METAP1: variants seen among roughly 807,000 people sequenced by gnomAD.
The protein encoded by METAP1 is methionine aminopeptidase 1.
METAP1 carries 28 observed loss-of-function variants against 53.8 expected under a neutral mutation model. The observed-to-expected ratio is 0.52, with a 90% confidence interval of 0.39 to 0.71. The LOEUF is 0.71. METAP1 is among the 30% of genes least tolerant of loss of function. The pLI is 0.00. For synonymous variants in METAP1, 181 were observed against 165.7 expected (o/e 1.09, Z -0.71); for missense variants, 389 against 479.8 (o/e 0.81, Z 1.77).
chr4:99,014,539 A>T (rs1723644929), intron 1 of METAP1, among the ~76,000 whole-genome samples: 2 of 152,158 alleles, frequency 1.3e-5, no homozygotes, highest in South Asian at 4.1e-4. Flanking sequence ...CGTTGACTCG[A>T]GTCTAGCAGC....
chr4:99,009,071 C>T (rs1723337278), intron 1 of METAP1, among the ~76,000 whole-genome samples: 1 of 152,130 alleles, frequency 6.6e-6, no homozygotes, highest in Non-Finnish European at 1.5e-5. Context: ...AACTACTATT[C>T]TACTTTCTGT....
At chr4:99,041,455 C>T (rs1289789570) in intron 6 of METAP1, among the ~76,000 whole-genome samples, 1 of 151,758 alleles carries the variant, frequency 6.6e-6, no homozygotes. Flanking sequence ...ATCAAATATT[C>T]TGAAATAAAA....
chr4:99,041,972 A>G (rs563556371), intron 6 of METAP1, among the ~76,000 whole-genome samples: 2 of 152,062 alleles, frequency 1.3e-5, no homozygotes, highest in East Asian at 3.9e-4. Context: ...CATTTTGAGT[A>G]TGCTCTGTGG....
At position 99,046,851 on chromosome 4, in the gene METAP1, G is replaced by A. The variant is rs961567148; in HGVS notation, c.787+1541G>A. ...TAATTTGTCATTTGTGAAAGCTTAAGTTTGAAATAATTTTTAGAGTTTCTG... is the reference window on the plus strand; with the variant it reads ...TAATTTGTCATTTGTGAAAGCTTAAATTTGAAATAATTTTTAGAGTTTCTG... On this transcript the variant is annotated intron_variant, in intron 8 of 10. Coordinates refer to ENST00000296411, the MANE Select transcript of METAP1 (RefSeq NM_015143.3). 4.4e-5 allele frequency among the ~76,000 whole-genome samples: 6 copies of A among 137,440 alleles called. No homozygotes were observed. In the South Asian group the frequency reaches 1.2e-3, roughly 28 times the overall value. 90.2% of individuals were successfully genotyped at this position (137,440 alleles called of 152,430 possible). A position where few individuals can be genotyped will look rare whatever the true frequency, so the allele number is the denominator to read the frequency against.
At chr4:99,057,219 A>G (rs1223532683) in intron 9 of METAP1, among the ~76,000 whole-genome samples, 4 of 152,216 alleles carry the variant, frequency 2.6e-5, no homozygotes, top group Non-Finnish European at 4.4e-5. Context: ...TTCTTTGAAG[A>G]TGAGAAAAAC....
chr4:99,052,162 C>T (rs1327516019), intron 9 of METAP1, among the ~76,000 whole-genome samples: 1 of 152,104 alleles, frequency 6.6e-6, no homozygotes. Context: ...AATGCACAAC[C>T]CTTGATTTAA....
chr4:99,050,822 C>T (rs1450014744), intron 9 of METAP1, among the ~76,000 whole-genome samples: 1 of 152,090 alleles, frequency 6.6e-6, no homozygotes, highest in Non-Finnish European at 1.5e-5. Flanking sequence ...AGGCTTGTAC[C>T]CTCAAAATCC....
At chr4:99,037,939 A>G (rs1298427039) in intron 4 of METAP1, 1 of 151,958 alleles carries the variant, frequency 6.6e-6, no homozygotes, top group Non-Finnish European at 1.5e-5. Flanking sequence ...GTCCAGGAAC[A>G]GGGTATGTTT....
intron 4 of METAP1, among the ~76,000 whole-genome samples, chr4:99,036,542 G>A (rs1301324225): frequency 6.6e-6 from 1 of 152,006 alleles, no homozygotes; most frequent in Non-Finnish European, 1.5e-5. Flanking sequence ...TTCTATATAT[G>A]TAAACACATT....
In METAP1 at chr4:99,034,343, G is replaced by A. The variant is rs1193832987; in HGVS notation, c.279+1G>A. 3 of 1,465,388 alleles carry A rather than the reference G, an allele frequency of 2.0e-6. No homozygotes were observed. The highest frequency in any genetic ancestry group is 2.8e-6 in the Non-Finnish European group (3 of 1,069,722). The allele number at this position is 1,465,388 out of a possible 1,614,324, so 90.8% of individuals were successfully genotyped here. A position where few individuals can be genotyped will look rare whatever the true frequency, so the allele number is the denominator to read the frequency against. On this transcript the variant is annotated splice_donor_variant, in intron 3 of 10. Transcript: ENST00000296411. LOFTEE classifies it high-confidence loss of function. ...TAAACTCAGACCACATTATCCACTG[G>A]TGAGTAAATAAGGTAATAAAAACAA...
chr4:99,012,268 A>AT, intron 1 of METAP1, among the ~76,000 whole-genome samples: 1 of 85,864 alleles, frequency 1.2e-5, no homozygotes, highest in South Asian at 4.5e-4. Flanking sequence ...TGTTAATGTG[A>AT]GTTTTTTTTT....
At chr4:99,045,384 C>G (rs1183803619) in intron 8 of METAP1, 74 bp downstream of exon 8, 1 of 1,541,434 alleles carries the variant, frequency 6.5e-7, no homozygotes, top group South Asian at 1.2e-5. Context: ...CGCTGCAGTT[C>G]TGTGCATTCC....
chr4:99,009,840 T>G (rs1011849417), intron 1 of METAP1, among the ~76,000 whole-genome samples: 1 of 152,234 alleles, frequency 6.6e-6, no homozygotes. Context: ...CTCTGTTGAT[T>G]GTGTCCTTTG....
chr4:99,030,217 G>T (rs956875676), intron 2 of METAP1, among the ~76,000 whole-genome samples: 2 of 152,028 alleles, frequency 1.3e-5, no homozygotes, highest in African/African-American at 4.8e-5. Flanking sequence ...GCTTAAAATC[G>T]GCCTCTCCCT....
chr4:98,999,508 ATTTTTT>A (rs58336779), intron 1 of METAP1, among the ~76,000 whole-genome samples: 1 of 113,052 alleles, frequency 8.8e-6, no homozygotes, highest in African/African-American at 3.9e-5. Context: ...AGGATGCTTA[ATTTTTT>A]TTTTTTTTTT....
At chr4:99,007,798 C>T (rs1245011673) in intron 1 of METAP1, among the ~76,000 whole-genome samples, 1 of 152,184 alleles carries the variant, frequency 6.6e-6, no homozygotes, top group Non-Finnish European at 1.5e-5. Flanking sequence ...TTTGAGTCTC[C>T]TCCATTACTC....
At chr4:99,022,722 A>G in intron 1 of METAP1, 1 of 1,543,302 alleles carries the variant, frequency 6.5e-7, no homozygotes, top group East Asian at 2.3e-5. Context: ...TCATAATGGG[A>G]GGGGCTGCAC....
At chr4:99,035,266 T>A (rs1016304353) in intron 3 of METAP1, 134 bp from the exon 4 acceptor site, 2 of 647,530 alleles carry the variant, frequency 3.1e-6, no homozygotes, top group Non-Finnish European at 5.3e-6. Context: ...AAGCATAATC[T>A]TAATGAAATA....
At chr4:99,053,887 C>G (rs1272359855) in intron 9 of METAP1, among the ~76,000 whole-genome samples, 1 of 150,010 alleles carries the variant, frequency 6.7e-6, no homozygotes, top group Non-Finnish European at 1.5e-5. Flanking sequence ...ATTATATTAA[C>G]TATATTATAT....
Sources: allele counts gnomAD v4.1 joint callset (sites outside exome capture counted in the v4.1 genomes callset), GRCh38; gene constraint gnomAD v4.1.1; transcripts MANE v1.5; gene names NCBI Gene and HGNC (gene_info 2026-07-23, HGNC 2026-07-21).